Variants in NIPAL3 observed in about 807,000 individuals in gnomAD.
NIPAL3 encodes NIPA-like protein 3.
A neutral mutation model predicts 47.2 loss-of-function variants in NIPAL3; 41 were observed. That is an observed-to-expected ratio of 0.87 (90% CI 0.68 to 1.13). The LOEUF is 1.13. Among genes scored for constraint, NIPAL3 ranks in the 50% most tolerant of loss-of-function variants. NIPAL3 has a pLI of 0.00. For synonymous variants in NIPAL3, 194 were observed against 209.6 expected, an observed-to-expected ratio of 0.93 and a Z score of 0.64; for missense variants, 449 against 530.1, an observed-to-expected ratio of 0.85 and a Z score of 1.50.
rs199705759 is a variant in NIPAL3 at position 24,420,515 on chromosome 1, G to GTA, written c.93+888_93+889dup. On this transcript the variant is annotated intron_variant, in intron 2 of 11. Coordinates refer to ENST00000374399, the MANE Select transcript of NIPAL3 (RefSeq NM_020448.5). The stretch of plus-strand genomic sequence containing the variant: ...GCAAGACCCTGATGCCAAAAAAAAA[G>GTA]TATATATATATATAGGTATGTATGT... Among the ~76,000 whole-genome samples, 507 of 150,964 alleles carry GTA rather than the reference G, an allele frequency of 3.4e-3. 7 individuals carry two copies. Among genetic ancestry groups the GTA allele is most frequent in the Admixed American group, 0.016 (245 of 15,116 alleles).
intron 1 of NIPAL3, among the ~76,000 whole-genome samples, chr1:24,418,356 A>C (rs1349183390): frequency 6.6e-6 from 1 of 152,182 alleles, no homozygotes; most frequent in Non-Finnish European, 1.5e-5. Flanking sequence ...GCAAATTTTG[A>C]GAAGTGGCAC....
At chr1:24,460,949 TAAC>T (rs1646441779) in intron 10 of NIPAL3, among the ~76,000 whole-genome samples, 1 of 152,176 alleles carries the variant, frequency 6.6e-6, no homozygotes, top group Non-Finnish European at 1.5e-5. Context: ...GAGGAAAATT[TAAC>T]AACAGCAACA....
rs554574913 is a variant in NIPAL3, at chr1:24,423,644, A to G, written c.93+4004A>G. ...GACTCCGCCTCACACACACACACAAAAAAGGCATATCATGCTGCAGAGGGC... is the reference window on the plus strand; with the variant it reads ...GACTCCGCCTCACACACACACACAAGAAAGGCATATCATGCTGCAGAGGGC... On this transcript the variant is annotated intron_variant, in intron 2 of 11. Coordinates refer to ENST00000374399, the MANE Select transcript of NIPAL3 (RefSeq NM_020448.5). Among the ~76,000 whole-genome samples, 4 of 152,274 alleles carry G rather than the reference A, an allele frequency of 2.6e-5. No individual in the cohort carries two copies. In the South Asian group the frequency reaches 8.3e-4, roughly 32 times the overall value.
chr1:24,443,462 C>G (rs1645496057), intron 4 of NIPAL3, among the ~76,000 whole-genome samples: 1 of 152,180 alleles, frequency 6.6e-6, no homozygotes, highest in African/African-American at 2.4e-5. Context: ...ATGGCAGATG[C>G]ATGGTAACTA....
rs528906258 is a variant in NIPAL3 at position 24,419,812 on chromosome 1, G to A, written c.93+172G>A. On this transcript the variant is annotated intron_variant, in intron 2 of 11. Transcript: ENST00000374399. ...GTAAGCAAAAGACAAGAGATGGGCC[G>A]GGAGTGGTGGCTCACACCTGTAATC... is the stretch of plus-strand genomic sequence containing the variant. 10 of 592,832 alleles carry A rather than the reference G, an allele frequency of 1.7e-5. No homozygotes were observed. The East Asian group carries it at 2.6e-4, about 15-fold the overall frequency. 36.7% of individuals were successfully genotyped at this position (592,832 alleles called of 1,614,324 possible).
chr1:24,464,368 T>G (rs1646610694), intron 11 of NIPAL3: 1 of 286,612 alleles, frequency 3.5e-6, no homozygotes, highest in Non-Finnish European at 6.4e-6. Context: ...TTCTGATTCA[T>G]ACTCAATATA....
intron 8 of NIPAL3, among the ~76,000 whole-genome samples, chr1:24,457,274 T>C (rs1646257134): frequency 6.6e-6 from 1 of 152,184 alleles, no homozygotes; most frequent in Non-Finnish European, 1.5e-5. Flanking sequence ...TTTCTAAGCA[T>C]GAAGTTAAAT....
At chr1:24,428,258 A>AAGAGAG (rs56082168) in intron 2 of NIPAL3, among the ~76,000 whole-genome samples, 6,457 of 119,124 alleles carry the variant, frequency 0.054, 193 homozygotes, top group East Asian at 0.084. Flanking sequence ...CTCAAAAAGA[A>AAGAGAG]AGAGAGAGAG....
chr1:24,435,506 A>G (rs1645058372), intron 2 of NIPAL3, among the ~76,000 whole-genome samples: 1 of 152,172 alleles, frequency 6.6e-6, no homozygotes, highest in East Asian at 1.9e-4. Context: ...ATGACAATTA[A>G]CACCTTAATT....
chr1:24,432,894 G>A (rs1241742171), intron 2 of NIPAL3, among the ~76,000 whole-genome samples: 1 of 152,260 alleles, frequency 6.6e-6, no homozygotes. Context: ...TAGTAAACCC[G>A]ATCACCTCCC....
intron 2 of NIPAL3, among the ~76,000 whole-genome samples, chr1:24,425,523 A>T (rs1644540822): frequency 1.3e-5 from 2 of 152,190 alleles, no homozygotes; most frequent in Admixed American, 6.5e-5. Flanking sequence ...TCAAGACAGA[A>T]TTCGACACAA....
chr1:24,417,846 A>G (rs1463721467), intron 1 of NIPAL3, among the ~76,000 whole-genome samples: 2 of 152,268 alleles, frequency 1.3e-5, no homozygotes, highest in Non-Finnish European at 2.9e-5. Flanking sequence ...AAGCTACAGG[A>G]TACACAGGAG....
At chr1:24,428,284 G>GAGAGAGAA (rs1644710604) in intron 2 of NIPAL3, among the ~76,000 whole-genome samples, 3 of 151,358 alleles carry the variant, frequency 2.0e-5, no homozygotes, top group Non-Finnish European at 4.4e-5. Context: ...GAGAGAGAGA[G>GAGAGAGAA]AGAGAGAGAG....
intron 7 of NIPAL3, among the ~76,000 whole-genome samples, chr1:24,455,555 A>C (rs1194922074): frequency 1.6e-4 from 24 of 152,186 alleles, no homozygotes. Context: ...GCGGAGGCTC[A>C]CGCCTGTAAT....
chr1:24,455,100 G>A (rs1057414646), intron 7 of NIPAL3, among the ~76,000 whole-genome samples: 1 of 152,226 alleles, frequency 6.6e-6, no homozygotes, highest in African/African-American at 2.4e-5. Context: ...AAGAGACACT[G>A]CGTGTTGGGG....
chr1:24,463,653 C>G (rs1191397261), intron 10 of NIPAL3, among the ~76,000 whole-genome samples: 3 of 152,136 alleles, frequency 2.0e-5, no homozygotes, highest in Non-Finnish European at 4.4e-5. Context: ...TTTTTACTAT[C>G]TATACTTCAG....
chr1:24,450,529 G>A (rs907298330), intron 6 of NIPAL3, among the ~76,000 whole-genome samples: 1 of 152,154 alleles, frequency 6.6e-6, no homozygotes, highest in Non-Finnish European at 1.5e-5. Context: ...AACATCTAAA[G>A]TATGTGATAA....
chr1:24,417,066 G>A (rs1422472752), intron 1 of NIPAL3: 1 of 152,228 alleles, frequency 6.6e-6, no homozygotes, highest in Non-Finnish European at 1.5e-5. Flanking sequence ...GCTTGTTGAA[G>A]CTCTGGAGTT....
At chr1:24,436,110 C>T (rs1470731133) in intron 2 of NIPAL3, among the ~76,000 whole-genome samples, 2 of 152,172 alleles carry the variant, frequency 1.3e-5, no homozygotes, top group African/African-American at 4.8e-5. Context: ...CTCCTAATAC[C>T]ATTCCCTTAG....
Sources: gnomAD v4.1 joint callset for allele counts (sites outside exome capture counted in the v4.1 genomes callset) on GRCh38, gnomAD v4.1.1 for gene constraint, MANE v1.5 for transcripts, NCBI Gene and HGNC (gene_info 2026-07-23, HGNC 2026-07-21) for gene names.